RANBP3L: variants seen among roughly 807,000 people sequenced by gnomAD.
RANBP3L encodes the protein ran-binding protein 3-like.
RANBP3L carries 56 observed loss-of-function variants against 67.2 expected under a neutral mutation model. The observed-to-expected ratio is 0.83, with a 90% confidence interval of 0.67 to 1.04. RANBP3L has a LOEUF of 1.04. Among genes scored for constraint, RANBP3L ranks in the 50% least tolerant of loss-of-function variants. The pLI is 0.00. For missense variants in RANBP3L, 496 were observed against 535.5 expected (o/e 0.93, Z 0.73); for synonymous variants, 164 against 181.4 (o/e 0.90, Z 0.77).
At position 36,255,599 on chromosome 5, in the gene RANBP3L, C is replaced by A. The variant is rs761306231; in HGVS notation, c.904-9G>T. 1.9e-6 allele frequency: 3 copies of A among 1,595,148 alleles called. No homozygotes were observed. Among genetic ancestry groups the A allele is most frequent in the East Asian group, 4.5e-5 (2 of 44,648 alleles). ...AAAAGCTTGCAGTTTATCTAAATGA[C>A]AATTTTTTAAAATGTCAAATATATA... On this transcript the variant is annotated splice_polypyrimidine_tract_variant and intron_variant, in intron 10 of 13. Coordinates refer to ENST00000296604, the MANE Select transcript of RANBP3L (RefSeq NM_145000.5).
At chr5:36,278,248 T>C (rs1750737543) in intron 1 of RANBP3L, among the ~76,000 whole-genome samples, 1 of 152,128 alleles carries the variant, frequency 6.6e-6, no homozygotes, top group African/African-American at 2.4e-5. Context: ...TCTCCCATCT[T>C]TTTTATTCTT....
At chr5:36,296,835 A>G (rs1413357612) in intron 1 of RANBP3L, among the ~76,000 whole-genome samples, 1 of 152,138 alleles carries the variant, frequency 6.6e-6, no homozygotes, top group Non-Finnish European at 1.5e-5. Flanking sequence ...CTAATCAGTC[A>G]AAGGCCTGAA....
chr5:36,296,044 C>G (rs367684427), intron 1 of RANBP3L, among the ~76,000 whole-genome samples: 1 of 152,120 alleles, frequency 6.6e-6, no homozygotes, highest in African/African-American at 2.4e-5. Flanking sequence ...ACTAAGAGGG[C>G]GGCACACCCT....
At chr5:36,270,671 A>AT (rs1395769432) in intron 2 of RANBP3L, among the ~76,000 whole-genome samples, 3 of 152,002 alleles carry the variant, frequency 2.0e-5, no homozygotes, top group South Asian at 4.2e-4. Flanking sequence ...ATTTCTTTTT[A>AT]TTTTTTTGTA....
At chr5:36,258,677 G>T (rs189760972) in intron 8 of RANBP3L, among the ~76,000 whole-genome samples, 2 of 152,272 alleles carry the variant, frequency 1.3e-5, no homozygotes, top group Admixed American at 1.3e-4. Flanking sequence ...ATGCCCACAG[G>T]AAATGTGCAC....
chr5:36,251,023 G>A (rs961589081), intron 13 of RANBP3L, among the ~76,000 whole-genome samples: 5 of 151,988 alleles, frequency 3.3e-5, no homozygotes, highest in Non-Finnish European at 5.9e-5. Context: ...AATAAGTGAA[G>A]AGAAATAAAA....
chr5:36,293,749 G>A (rs1751980484), intron 1 of RANBP3L, among the ~76,000 whole-genome samples: 1 of 149,360 alleles, frequency 6.7e-6, no homozygotes, highest in South Asian at 2.2e-4. Flanking sequence ...CAGGGATGAA[G>A]CCCACTTGAT....
In RANBP3L at chr5:36,257,485, A is replaced by G. The variant is rs1289782239; in HGVS notation, c.741T>C (p.Ile247=). 6.3e-7 allele frequency: 1 copy of G among 1,590,448 alleles called. No individual in the cohort carries two copies. Among genetic ancestry groups the G allele is most frequent in the Admixed American group, 1.7e-5 (1 of 58,744 alleles). The part of the protein sequence containing the change: ...SYAKEKPFKS[I]PKFPVNFLSS... The stretch of plus-strand genomic sequence containing the variant: ...TTAAAAAGTTGACAGGAAATTTCGG[A>G]ATGGATTTGAATGGTTTTTCCTTGG... Residue 247 remains isoleucine, a synonymous_variant, in exon 9 of 14, where the codon ATT becomes ATC. Transcript: ENST00000296604.
At chr5:36,297,312 A>AG (rs70976205) in intron 1 of RANBP3L, among the ~76,000 whole-genome samples, 24,909 of 151,796 alleles carry the variant, frequency 0.16, 2,600 homozygotes, top group Non-Finnish European at 0.22. Context: ...TAGGCTGAGG[A>AG]GGGGGAGGAA....
At chr5:36,254,707 T>C (rs1748845805) in intron 11 of RANBP3L, among the ~76,000 whole-genome samples, 1 of 152,068 alleles carries the variant, frequency 6.6e-6, no homozygotes, top group Non-Finnish European at 1.5e-5. Flanking sequence ...CAAATAACCT[T>C]ATTCTTGGAT....
chr5:36,269,978 C>A lies in RANBP3L; in HGVS notation c.163G>T (p.Asp55Tyr). Reference sequence around the variant, plus strand: ...GGTTCTGCTGCTTCATACAGGGTGTCTTCTGCAGGTCTCTGAAAGGAAACA... The same window carrying A: ...GGTTCTGCTGCTTCATACAGGGTGTATTCTGCAGGTCTCTGAAAGGAAACA... ...GEQTFKRPAEDTLYEAAEPEC... is the reference protein window; with the variant it reads ...GEQTFKRPAEYTLYEAAEPEC... The change falls in exon 3 of 14, where the codon GAC (aspartate) becomes TAC (tyrosine). Residue 55 changes from aspartate to tyrosine, a missense_variant. Asp to Tyr is a radical substitution (Grantham distance 160, BLOSUM62 -3). Transcript: ENST00000296604. 6.2e-7 allele frequency: 1 copy of A among 1,613,622 alleles called. No individual in the cohort carries two copies. Among genetic ancestry groups the A allele is most frequent in the Non-Finnish European group, 8.5e-7 (1 of 1,179,522 alleles).
chr5:36,298,538 C>T (rs1274061925), intron 1 of RANBP3L, among the ~76,000 whole-genome samples: 1 of 152,074 alleles, frequency 6.6e-6, no homozygotes, highest in East Asian at 1.9e-4. Flanking sequence ...CACATAATAG[C>T]AAGGTGCAAA....
chr5:36,295,682 T>TG (rs1370354178), intron 1 of RANBP3L, among the ~76,000 whole-genome samples: 1 of 151,678 alleles, frequency 6.6e-6, no homozygotes, highest in African/African-American at 2.4e-5. Context: ...TGTTTTTTTT[T>TG]TTTTTTTTTT....
At chr5:36,287,445 A>C (rs2112069832) in intron 1 of RANBP3L, among the ~76,000 whole-genome samples, 1 of 152,342 alleles carries the variant, frequency 6.6e-6, no homozygotes, top group Non-Finnish European at 1.5e-5. Flanking sequence ...GTGTTAAATA[A>C]AATAAATGAA....
chr5:36,271,146 G>A, intron 2 of RANBP3L, 107 bp downstream of exon 2: 1 of 718,874 alleles, frequency 1.4e-6, no homozygotes, highest in Non-Finnish European at 2.5e-6. Context: ...TGCTAGTAAA[G>A]AACAGGATAA....
At chr5:36,275,457 T>C (rs1229318941) in intron 1 of RANBP3L, among the ~76,000 whole-genome samples, 2 of 152,180 alleles carry the variant, frequency 1.3e-5, no homozygotes, top group African/African-American at 4.8e-5. Context: ...CACATATTAG[T>C]CCCAAATGTA....
chr5:36,251,298 A>G lies in RANBP3L; in HGVS notation c.1354+15T>C, dbSNP rs750637615. 2 of 1,601,574 alleles carry G rather than the reference A, an allele frequency of 1.2e-6. No homozygotes were observed. Among genetic ancestry groups the G allele is most frequent in the African/African-American group, 2.7e-5 (2 of 74,572 alleles). On this transcript the variant is annotated intron_variant, in intron 13 of 13. Transcript: ENST00000296604. ...TTTTTTAAACCTCTGAACTAACAAAACAAAAGCTATTTACCTGATCCATTT... is the reference window on the plus strand; with the variant it reads ...TTTTTTAAACCTCTGAACTAACAAAGCAAAAGCTATTTACCTGATCCATTT...
chr5:36,268,079 G>A, intron 4 of RANBP3L: 1 of 625,002 alleles, frequency 1.6e-6, no homozygotes, highest in Non-Finnish European at 2.6e-6. Context: ...TAAGGCCTCT[G>A]TTTATTTCTA....
At chr5:36,289,703 C>T (rs890341645) in intron 1 of RANBP3L, among the ~76,000 whole-genome samples, 21 of 151,832 alleles carry the variant, frequency 1.4e-4, no homozygotes, top group African/African-American at 4.1e-4. Flanking sequence ...TATAGAAATA[C>T]GATATTTTTT....
Sources: allele counts gnomAD v4.1 joint callset (sites outside exome capture counted in the v4.1 genomes callset), GRCh38; gene constraint gnomAD v4.1.1; transcripts MANE v1.5; gene names NCBI Gene and HGNC (gene_info 2026-07-23, HGNC 2026-07-21).